Variants in ALPK1 observed in about 807,000 individuals in gnomAD.
The protein encoded by ALPK1 is alpha kinase 1.
Under a neutral mutation model 120.6 loss-of-function variants are expected in ALPK1, and 110 were observed. The observed-to-expected ratio is 0.91, with a 90% CI of 0.78 to 1.07. ALPK1 has a LOEUF of 1.07. Among genes scored for constraint, ALPK1 ranks in the 50% least tolerant of loss-of-function variants. ALPK1 has a pLI of 0.00. For synonymous variants in ALPK1, 582 were observed against 560.3 expected, an observed-to-expected ratio of 1.04 and a Z score of -0.55; for missense variants, 1,498 against 1,483.9, an observed-to-expected ratio of 1.01 and a Z score of -0.16.
At chr4:112,359,032 AC>A in intron 2 of ALPK1, 1 of 764,484 alleles carries the variant, frequency 1.3e-6, no homozygotes, top group Non-Finnish European at 2.4e-6. Context: ...CGGCCAGAGC[AC>A]AGCATTCCCC....
intron 4 of ALPK1, among the ~76,000 whole-genome samples, chr4:112,409,927 T>C (rs1055141410): frequency 1.2e-4 from 18 of 152,114 alleles, no homozygotes; most frequent in Admixed American, 1.2e-3. Flanking sequence ...AGTAAAAAAT[T>C]TTATACTTAA....
intron 2 of ALPK1, chr4:112,356,333 G>T: frequency 1.1e-6 from 1 of 894,372 alleles, no homozygotes. Flanking sequence ...CACCATCTTT[G>T]CCTGCAATTT....
At chr4:112,358,191 A>G (rs1048587849) in intron 2 of ALPK1, 1 of 616,714 alleles carries the variant, frequency 1.6e-6, no homozygotes, top group Non-Finnish European at 3.0e-6. Context: ...GTGATCTGGC[A>G]CTGCCAGGAC....
intron 1 of ALPK1, among the ~76,000 whole-genome samples, chr4:112,311,534 G>A (rs1016396565): frequency 5.3e-5 from 8 of 152,110 alleles, no homozygotes; most frequent in African/African-American, 1.9e-4. Flanking sequence ...TAACCCTGCT[G>A]GTTACCAGAA....
chr4:112,383,347 A>G (rs373168351), intron 4 of ALPK1: 5 of 152,088 alleles, frequency 3.3e-5, no homozygotes, highest in African/African-American at 1.2e-4. Context: ...AAGCATGACA[A>G]TATCCTAAAA....
intron 7 of ALPK1, 109 bp from the exon 8 acceptor site, chr4:112,426,358 C>A: frequency 1.3e-6 from 1 of 747,718 alleles, no homozygotes; most frequent in Non-Finnish European, 2.2e-6. Context: ...CTAACAGAAT[C>A]TAATGAGTCT....
intron 2 of ALPK1, chr4:112,342,975 T>A (rs1251891859): frequency 2.6e-5 from 4 of 152,544 alleles, no homozygotes; most frequent in Non-Finnish European, 5.9e-5. Context: ...ACAGAACAAG[T>A]AAATGTTAGT....
chr4:112,302,675 C>G (rs1578442473), intron 1 of ALPK1, among the ~76,000 whole-genome samples: 1 of 152,302 alleles, frequency 6.6e-6, no homozygotes, highest in South Asian at 2.1e-4. Context: ...AGGACGCTGC[C>G]TTCTCAGCCC....
At chr4:112,375,657 T>C (rs895468678) in intron 2 of ALPK1, among the ~76,000 whole-genome samples, 1 of 152,200 alleles carries the variant, frequency 6.6e-6, no homozygotes, top group Admixed American at 6.5e-5. Context: ...CTCTATCCAT[T>C]AAAATTTTCT....
chr4:112,382,496 C>A lies in ALPK1; in HGVS notation c.220C>A (p.Pro74Thr). The A allele has an allele frequency of 6.2e-7, 1 of 1,614,014 alleles. No homozygotes were observed. Among genetic ancestry groups the A allele is most frequent in the South Asian group, 1.1e-5 (1 of 91,064 alleles). ...GTGGCAGTACAAACAAGCCGTGGGC[C>A]CAGAGGACAAAACAAACCTGAAGGA... is the stretch of plus-strand genomic sequence containing the variant. ...EKWQYKQAVG[P>T]EDKTNLKDVI... The change falls in exon 4 of 16, where the codon CCA (proline) becomes ACA (threonine). Residue 74 changes from proline to threonine, a missense_variant. Pro to Thr is a conservative substitution (Grantham distance 38). Transcript: ENST00000650871.
intron 2 of ALPK1, among the ~76,000 whole-genome samples, chr4:112,332,977 C>A (rs1729451002): frequency 6.6e-6 from 1 of 152,148 alleles, no homozygotes; most frequent in Non-Finnish European, 1.5e-5. Context: ...TCAAGGGTCC[C>A]CAGTCTCCAT....
chr4:112,437,992 A>G (rs1447405098), intron 12 of ALPK1, among the ~76,000 whole-genome samples: 2 of 152,212 alleles, frequency 1.3e-5, no homozygotes, highest in Non-Finnish European at 2.9e-5. Context: ...CATGTCTCAC[A>G]CTTTCTTCAA....
intron 3 of ALPK1, among the ~76,000 whole-genome samples, chr4:112,381,480 T>C (rs1731900334): frequency 6.6e-6 from 1 of 152,248 alleles, no homozygotes; most frequent in Admixed American, 6.5e-5. Context: ...CAGTCATATG[T>C]ACGGGTCCAT....
chr4:112,380,263 T>G (rs1731840667), intron 3 of ALPK1, among the ~76,000 whole-genome samples: 3 of 152,204 alleles, frequency 2.0e-5, no homozygotes, highest in South Asian at 2.1e-4. Flanking sequence ...TTTCAGAAGT[T>G]GAAATTATGT....
chr4:112,354,816 A>G (rs1030786193), intron 2 of ALPK1, among the ~76,000 whole-genome samples: 1 of 152,190 alleles, frequency 6.6e-6, no homozygotes, highest in African/African-American at 2.4e-5. Flanking sequence ...TCATTTAATT[A>G]TATACTAATT....
intron 2 of ALPK1, among the ~76,000 whole-genome samples, chr4:112,331,020 G>A (rs34699840): frequency 0.082 from 12,510 of 152,244 alleles, 735 homozygotes; most frequent in Non-Finnish European, 0.12. Context: ...CAGGAGGTTA[G>A]CTGTTCCCTC....
chr4:112,336,889 A>G (rs2148703965), intron 2 of ALPK1, among the ~76,000 whole-genome samples: 1 of 152,302 alleles, frequency 6.6e-6, no homozygotes, highest in South Asian at 2.1e-4. Context: ...CTTGGAAATA[A>G]TAGGCAAATT....
chr4:112,407,513 C>CAG (rs1195881904), intron 4 of ALPK1, among the ~76,000 whole-genome samples: 2 of 151,856 alleles, frequency 1.3e-5, no homozygotes, highest in Non-Finnish European at 2.9e-5. Context: ...ATAAAAATAA[C>CAG]AGAGAGAGAG....
At chr4:112,417,292 C>G (rs892526510) in intron 5 of ALPK1, among the ~76,000 whole-genome samples, 3 of 151,864 alleles carry the variant, frequency 2.0e-5, no homozygotes, top group African/African-American at 7.3e-5. Context: ...AAGATGATGA[C>G]TAAAGAATGT....
Sources: gnomAD v4.1 joint callset for allele counts (sites outside exome capture counted in the v4.1 genomes callset) on GRCh38, gnomAD v4.1.1 for gene constraint, MANE v1.5 for transcripts, NCBI Gene and HGNC (gene_info 2026-07-23, HGNC 2026-07-21) for gene names.